DYNC2I2: variants seen among roughly 807,000 people sequenced by gnomAD.
DYNC2I2 encodes dynein 2 intermediate chain 2.
A neutral mutation model predicts 52.0 loss-of-function variants in DYNC2I2; 39 were observed. That is an observed-to-expected ratio of 0.75 (90% CI 0.58 to 0.98). DYNC2I2 has a LOEUF of 0.98. DYNC2I2 is among the 50% of genes least tolerant of loss of function. DYNC2I2 has a pLI of 0.00. For synonymous variants in DYNC2I2, 359 were observed against 321.1 expected (o/e 1.12, Z -1.26); for missense variants, 743 against 728.4 (o/e 1.02, Z -0.23).
intron 1 of DYNC2I2, among the ~76,000 whole-genome samples, chr9:128,645,087 ATG>A: frequency 6.6e-6 from 1 of 152,116 alleles, no homozygotes; most frequent in Non-Finnish European, 1.5e-5. Context: ...GCAGTGGCTC[ATG>A]CCTGTAATCC....
chr9:128,657,896 C>T (rs1235344619), upstream of DYNC2I2, among the ~76,000 whole-genome samples: 1 of 152,036 alleles, frequency 6.6e-6, no homozygotes, highest in Non-Finnish European at 1.5e-5. Flanking sequence ...TTGAGACCTG[C>T]CTGGGCAACA....
the DYNC2I2 span, among the ~76,000 whole-genome samples, chr9:128,673,023 CA>C: frequency 6.7e-5 from 10 of 149,052 alleles, no homozygotes; most frequent in Non-Finnish European, 1.0e-4. Flanking sequence ...GACTCAGTCT[CA>C]AAAAAAAACC....
chr9:128,671,067 CA>C, the DYNC2I2 span, among the ~76,000 whole-genome samples: 101,320 of 106,930 alleles, frequency 0.95, 47,983 homozygotes, highest in South Asian at 0.98. Flanking sequence ...AACTCCGTCT[CA>C]AAAAAAAAAA....
chr9:128,635,539 C>CAT, intron 5 of DYNC2I2, 119 bp downstream of exon 5: 1 of 975,512 alleles, frequency 1.0e-6, no homozygotes, highest in African/African-American at 1.6e-5. Context: ...GCGGGAGCTC[C>CAT]GAGAATGCAG....
chr9:128,683,293 T>TTTA, the DYNC2I2 span: 1 of 178,204 alleles, frequency 5.6e-6, no homozygotes, highest in East Asian at 9.3e-5. Flanking sequence ...TTTTTTTTTT[T>TTTA]AAAGCAGGCA....
At chr9:128,682,356 G>C in the DYNC2I2 span, among the ~76,000 whole-genome samples, 1 of 151,928 alleles carries the variant, frequency 6.6e-6, no homozygotes, top group Non-Finnish European at 1.5e-5. Flanking sequence ...CCCAGAGTGA[G>C]ACTCTTTCTA....
chr9:128,640,334 T>C (rs1860489401), intron 2 of DYNC2I2, among the ~76,000 whole-genome samples: 1 of 152,166 alleles, frequency 6.6e-6, no homozygotes. Flanking sequence ...AAACTGTGCC[T>C]GGCCCAAAGA....
the DYNC2I2 span, among the ~76,000 whole-genome samples, chr9:128,666,391 A>G: frequency 6.6e-6 from 1 of 151,560 alleles, no homozygotes; most frequent in Non-Finnish European, 1.5e-5. Context: ...CAGAAAAAAA[A>G]AAAAAAAAAA....
chr9:128,642,351 A>C (rs1231278733), intron 1 of DYNC2I2, among the ~76,000 whole-genome samples: 1 of 149,032 alleles, frequency 6.7e-6, no homozygotes, highest in Non-Finnish European at 1.5e-5. Flanking sequence ...AGCTACTCAG[A>C]AGGCTGAGGC....
At position 128,634,284 on chromosome 9, in the gene DYNC2I2, CAG is replaced by C. The variant is rs753802842; in HGVS notation, c.1312_1313del (p.Leu438ValfsTer21). On this transcript the variant is annotated frameshift_variant, in exon 8 of 9. Transcript: ENST00000372715. LOFTEE classifies it high-confidence loss of function. ...LTSLQLSLKYLFAVRWSPVRP... is the reference protein window; with the variant it reads ...LTSLQLSLKYXFAVRWSPVRP... ...GCACTGGGGACCAGCGCACAGCAAA[CAG>C]ATACTTGAGGGAGAGCTGCAGCGAA... The C allele has an allele frequency of 2.7e-5, 44 of 1,613,768 alleles. No homozygotes were observed. The highest frequency in any genetic ancestry group is 5.3e-5 in the African/African-American group (4 of 74,932).
At chr9:128,655,335 TAAAAAAAAAAAAAAAA>T in intron 1 of DYNC2I2, among the ~76,000 whole-genome samples, 1 of 18,694 alleles carries the variant, frequency 5.3e-5, no homozygotes, top group East Asian at 1.2e-3. Flanking sequence ...CCGTCTCTAC[TAAAAAAAAAAAAAAAA>T]AAAAAAAAAA....
intron 1 of DYNC2I2, among the ~76,000 whole-genome samples, chr9:128,642,286 CAAA>C (rs34133160): frequency 1.1e-5 from 1 of 88,936 alleles, no homozygotes. Flanking sequence ...GACTCCGTCT[CAAA>C]AAAAAAAAAA....
intron 1 of DYNC2I2, among the ~76,000 whole-genome samples, chr9:128,643,508 CAG>C (rs1266624870): frequency 1.4e-5 from 2 of 146,358 alleles, no homozygotes; most frequent in African/African-American, 2.6e-5. Flanking sequence ...GCCTGGGTGA[CAG>C]AGTGAGACTC....
chr9:128,637,587 C>A (rs1227420543), intron 2 of DYNC2I2, among the ~76,000 whole-genome samples: 1 of 152,104 alleles, frequency 6.6e-6, no homozygotes, highest in Admixed American at 6.5e-5. Context: ...GGATTACAGG[C>A]GCGTGCCACC....
At chr9:128,683,305 C>A in the DYNC2I2 span, 1 of 157,922 alleles carries the variant, frequency 6.3e-6, no homozygotes. Flanking sequence ...AAGCAGGCAT[C>A]TAATTCCTTT....
chr9:128,684,073 TA>T, the DYNC2I2 span: 1 of 1,287,154 alleles, frequency 7.8e-7, no homozygotes, highest in Non-Finnish European at 1.1e-6. Context: ...CTCTGATTTT[TA>T]CCCCCCAATC....
the DYNC2I2 span, among the ~76,000 whole-genome samples, chr9:128,677,635 TAA>T: frequency 5.0e-5 from 7 of 138,784 alleles, no homozygotes; most frequent in Non-Finnish European, 7.9e-5. Flanking sequence ...CCGTCTCTAC[TAA>T]AAAAAAAAAA....
chr9:128,645,077 G>A (rs1003968144), intron 1 of DYNC2I2, among the ~76,000 whole-genome samples: 1 of 151,966 alleles, frequency 6.6e-6, no homozygotes, highest in Non-Finnish European at 1.5e-5. Flanking sequence ...TAGGCCAGGC[G>A]CAGTGGCTCA....
Position 128,633,912 on chromosome 9 carries a change from A to AT in DYNC2I2, c.1442dup (p.Asp481GlufsTer2). The AT allele has an allele frequency of 5.0e-6, 8 of 1,613,306 alleles. No homozygotes were observed. Among genetic ancestry groups the AT allele is most frequent in the Non-Finnish European group, 6.8e-6 (8 of 1,180,032 alleles). On this transcript the variant is annotated frameshift_variant, in exon 9 of 9. Transcript: ENST00000372715. LOFTEE classifies it high-confidence loss of function. ...ACTCCAGACAGTAGACAGGGCTTTC[A>AT]TCCTGGGTTTGCTTGATCAAAACTG...
Sources: gnomAD v4.1 joint callset for allele counts (sites outside exome capture counted in the v4.1 genomes callset) on GRCh38, gnomAD v4.1.1 for gene constraint, MANE v1.5 for transcripts, NCBI Gene and HGNC (gene_info 2026-07-23, HGNC 2026-07-21) for gene names.